The following CHN2 variants were observed in gnomAD, a reference collection of about 807,000 sequenced individuals.
CHN2 encodes the protein beta-chimaerin.
In CHN2, 35 loss-of-function variants were observed where a neutral mutation model predicts 56.3. The ratio of observed to expected loss-of-function variants is 0.62; its 90% CI spans 0.47 to 0.82. The LOEUF (loss-of-function observed/expected upper bound fraction) is 0.82. Ranked by LOEUF, CHN2 falls within the 40% of genes least tolerant of loss-of-function variation. The probability of loss-of-function intolerance (pLI) is 0.00; values close to 1 mark genes in which losing one functional copy is unlikely to be tolerated. For synonymous variants in CHN2, 210 were observed against 212.8 expected (o/e 0.99, Z 0.12); for missense variants, 491 against 580.5 (o/e 0.85, Z 1.58).
intron 3 of CHN2, among the ~76,000 whole-genome samples, chr7:29,388,286 A>G (rs1801088345): frequency 6.6e-6 from 1 of 152,216 alleles, no homozygotes; most frequent in African/African-American, 2.4e-5. Flanking sequence ...CAGTTAGGAA[A>G]AAAATGGCAA....
chr7:29,163,689 T>C (rs988797726), intron 2 of CHN2, among the ~76,000 whole-genome samples: 6 of 152,154 alleles, frequency 3.9e-5, no homozygotes, highest in Non-Finnish European at 7.3e-5. Flanking sequence ...CCCAAAAGTT[T>C]CCTCCCTCCT....
intron 10 of CHN2, 129 bp from the exon 11 acceptor site, chr7:29,507,099 G>A (rs1400413386): frequency 2.5e-6 from 2 of 791,424 alleles, no homozygotes; most frequent in Middle Eastern, 6.8e-4. Context: ...AGTGTTACTA[G>A]AAGCCAAAAG....
In CHN2 at chr7:29,273,343, G is replaced by GTGTATA. The variant is rs1157790795; in HGVS notation, c.49+78354_49+78355insGTATAT. ...CCATCATGCATATATATATATATGT[G>GTGTATA]TATATATATATATATATATATATAT... On this transcript the variant is annotated intron_variant, in intron 1 of 12. Transcript: ENST00000222792. Among the ~76,000 whole-genome samples, 31 of 58,144 alleles carry GTGTATA rather than the reference G, an allele frequency of 5.3e-4. 1 individual carries two copies. The highest frequency in any genetic ancestry group is 8.3e-4 in the African/African-American group (13 of 15,580). The allele number at this position is 58,144 out of a possible 152,430, so 38.1% of individuals were successfully genotyped here.
At chr7:29,434,427 G>C (rs965618274) in intron 6 of CHN2, among the ~76,000 whole-genome samples, 1 of 151,490 alleles carries the variant, frequency 6.6e-6, no homozygotes, top group Non-Finnish European at 1.5e-5. Context: ...AGAAGTCAAG[G>C]TATTTTCTGG....
At chr7:29,250,066 C>G (rs1399875585) in intron 1 of CHN2, among the ~76,000 whole-genome samples, 1 of 152,202 alleles carries the variant, frequency 6.6e-6, no homozygotes, top group African/African-American at 2.4e-5. Context: ...TATTGTTCAT[C>G]TGCAACTATG....
intron 2 of CHN2, among the ~76,000 whole-genome samples, chr7:29,184,748 C>G (rs753565480): frequency 5.3e-5 from 8 of 152,028 alleles, no homozygotes; most frequent in South Asian, 2.1e-4. Flanking sequence ...ACAGAAACAC[C>G]CAGAAATAAT....
At chr7:29,234,994 A>G (rs1033601349) in intron 1 of CHN2, among the ~76,000 whole-genome samples, 1 of 152,218 alleles carries the variant, frequency 6.6e-6, no homozygotes, top group African/African-American at 2.4e-5. Flanking sequence ...TCATTTAGTA[A>G]GTATTGATCT....
chr7:29,281,868 T>C lies in CHN2; in HGVS notation c.50-72757T>C, dbSNP rs112147114. Among the ~76,000 whole-genome samples the C allele has an allele frequency of 8.2e-3, 1,252 of 152,322 alleles. 21 individuals are homozygous for C. The highest frequency in any genetic ancestry group is 0.029 in the African/African-American group (1,194 of 41,580). On this transcript the variant is annotated intron_variant, in intron 1 of 12. Coordinates refer to ENST00000222792, the MANE Select transcript of CHN2 (RefSeq NM_004067.4). ...GAAGTACAGATGGCCGTGGGGCTCC[T>C]GTAACACATCTCATGTTGTGCCTGA...
intron 1 of CHN2, among the ~76,000 whole-genome samples, chr7:29,211,077 G>A (rs1426820563): frequency 2.6e-5 from 4 of 151,114 alleles, no homozygotes; most frequent in East Asian, 3.9e-4. Context: ...TTTTGTTGTT[G>A]TTGTTGTTGT....
chr7:29,147,216 G>A, intron 2 of CHN2: 1 of 495,178 alleles, frequency 2.0e-6, no homozygotes, highest in Non-Finnish European at 3.6e-6. Flanking sequence ...CAAGGAGGTT[G>A]CAATGGCAAG....
intron 1 of CHN2, among the ~76,000 whole-genome samples, chr7:29,266,035 G>T (rs1486976296): frequency 6.6e-6 from 1 of 152,148 alleles, no homozygotes; most frequent in Non-Finnish European, 1.5e-5. Flanking sequence ...CCCCAAAAAA[G>T]ATCCAACTTA....
chr7:29,215,521 A>G (rs1402491603), intron 1 of CHN2, among the ~76,000 whole-genome samples: 1 of 152,048 alleles, frequency 6.6e-6, no homozygotes, highest in African/African-American at 2.4e-5. Context: ...AAATCAGCAC[A>G]CTCACCTAAG....
At chr7:29,498,097 T>C (rs935017576) in intron 8 of CHN2, among the ~76,000 whole-genome samples, 1 of 152,338 alleles carries the variant, frequency 6.6e-6, no homozygotes, top group Admixed American at 6.5e-5. Context: ...TTGTAAGACA[T>C]ACTAAGAATT....
At chr7:29,504,394 G>A (rs1268271032) in intron 9 of CHN2, among the ~76,000 whole-genome samples, 1 of 152,174 alleles carries the variant, frequency 6.6e-6, no homozygotes, top group African/African-American at 2.4e-5. Context: ...AAGCCAGGTT[G>A]CTTCCTACGA....
At chr7:29,349,951 A>G (rs1797751791) in intron 1 of CHN2, among the ~76,000 whole-genome samples, 1 of 152,172 alleles carries the variant, frequency 6.6e-6, no homozygotes, top group Non-Finnish European at 1.5e-5. Context: ...CCTGGACTTT[A>G]TGCAATGCGT....
intron 1 of CHN2, among the ~76,000 whole-genome samples, chr7:29,299,012 G>A (rs1793423341): frequency 6.6e-6 from 1 of 152,126 alleles, no homozygotes; most frequent in Admixed American, 6.5e-5. Flanking sequence ...TACTTTGAAG[G>A]GTGAGCAAAA....
At chr7:29,288,673 T>C (rs959405904) in intron 1 of CHN2, among the ~76,000 whole-genome samples, 1 of 152,008 alleles carries the variant, frequency 6.6e-6, no homozygotes, top group Non-Finnish European at 1.5e-5. Flanking sequence ...AGAGGAACAA[T>C]AAGGAACCAG....
At chr7:29,433,935 A>C (rs530991539) in intron 6 of CHN2, among the ~76,000 whole-genome samples, 13 of 151,810 alleles carry the variant, frequency 8.6e-5, no homozygotes, top group Non-Finnish European at 1.6e-4. Flanking sequence ...GAGAGGCAGG[A>C]AGGAAGGAAG....
chr7:29,158,420 G>A (rs1794723416), intron 2 of CHN2, among the ~76,000 whole-genome samples: 1 of 152,190 alleles, frequency 6.6e-6, no homozygotes, highest in Non-Finnish European at 1.5e-5. Context: ...AAGAAAACTA[G>A]AGGAATGTGT....
Sources: allele counts gnomAD v4.1 joint callset (sites outside exome capture counted in the v4.1 genomes callset), GRCh38; gene constraint gnomAD v4.1.1; transcripts MANE v1.5; gene names NCBI Gene and HGNC (gene_info 2026-07-23, HGNC 2026-07-21).